Variants in ITGA9 observed in about 807,000 individuals in gnomAD.
ITGA9 encodes integrin subunit alpha 9.
A neutral mutation model predicts 127.8 loss-of-function variants in ITGA9; 56 were observed. That is an observed-to-expected ratio of 0.44 (90% CI 0.35 to 0.55). ITGA9 has a LOEUF of 0.55. ITGA9 is among the 20% of genes least tolerant of loss of function. ITGA9 has a pLI of 0.00. For missense variants in ITGA9, 1,196 were observed against 1,347.1 expected (o/e 0.89, Z 1.76); for synonymous variants, 508 against 514.5 (o/e 0.99, Z 0.17).
At position 37,454,077 on chromosome 3, in the gene ITGA9, G is replaced by A. The variant is rs528170171; in HGVS notation, c.185+1518G>A. Among the ~76,000 whole-genome samples the A allele has an allele frequency of 6.6e-5, 10 of 152,306 alleles. No individual in the cohort carries two copies. In the South Asian group the frequency reaches 1.0e-3, roughly 16 times the overall value. On this transcript the variant is annotated intron_variant, in intron 1 of 27. Transcript: ENST00000264741. Reference sequence around the variant, plus strand: ...TCCCCACACTAGGCACCAGGCACGCGGGAAGCACTGTCAAAAATGGGAGGG... The same window carrying A: ...TCCCCACACTAGGCACCAGGCACGCAGGAAGCACTGTCAAAAATGGGAGGG...
At chr3:37,714,995 A>G (rs1399305088) in intron 18 of ITGA9, among the ~76,000 whole-genome samples, 1 of 152,232 alleles carries the variant, frequency 6.6e-6, no homozygotes, top group East Asian at 1.9e-4. Context: ...CTCATCTGCA[A>G]AATGGAACAA....
intron 15 of ITGA9, among the ~76,000 whole-genome samples, chr3:37,584,519 G>T (rs183102795): frequency 6.6e-6 from 1 of 152,254 alleles, no homozygotes; most frequent in Non-Finnish European, 1.5e-5. Context: ...CACTTTGGGA[G>T]GCCAAGGCAG....
At chr3:37,540,139 C>G (rs753332081) in intron 14 of ITGA9, among the ~76,000 whole-genome samples, 1 of 152,186 alleles carries the variant, frequency 6.6e-6, no homozygotes, top group African/African-American at 2.4e-5. Flanking sequence ...CTGAGCTCAG[C>G]TAGTTCATCT....
chr3:37,595,512 C>T (rs1699860872), intron 15 of ITGA9, among the ~76,000 whole-genome samples: 1 of 152,212 alleles, frequency 6.6e-6, no homozygotes, highest in Non-Finnish European at 1.5e-5. Context: ...GCCGGAACAG[C>T]ATAAACACTG....
chr3:37,637,175 C>A (rs1221396033), intron 16 of ITGA9, among the ~76,000 whole-genome samples: 1 of 151,830 alleles, frequency 6.6e-6, no homozygotes, highest in Non-Finnish European at 1.5e-5. Context: ...TGAAGAAAGT[C>A]ATTGGTAGCT....
intron 19 of ITGA9, among the ~76,000 whole-genome samples, chr3:37,733,228 A>G (rs918571228): frequency 5.9e-5 from 9 of 152,200 alleles, no homozygotes; most frequent in African/African-American, 2.2e-4. Context: ...GAACTCTCAA[A>G]ATTCTCAAAA....
At position 37,714,862 on chromosome 3, in the gene ITGA9, T is replaced by C. The variant is rs572792236; in HGVS notation, c.2068-17850T>C. On this transcript the variant is annotated intron_variant, in intron 18 of 27. Coordinates refer to ENST00000264741, the MANE Select transcript of ITGA9 (RefSeq NM_002207.3). Reference sequence around the variant, plus strand: ...AGGAAGGAAAACCTCCTCTGCACAATGCACTCTGAAGGCCCCACTGAATAC... The same window carrying C: ...AGGAAGGAAAACCTCCTCTGCACAACGCACTCTGAAGGCCCCACTGAATAC... Among the ~76,000 whole-genome samples the C allele has an allele frequency of 1.4e-4, 21 of 152,172 alleles. 1 individual carries two copies. The highest frequency in any genetic ancestry group is 2.5e-4 in the Non-Finnish European group (17 of 68,024).
chr3:37,511,610 G>T (rs1384119105), intron 8 of ITGA9, among the ~76,000 whole-genome samples: 1 of 152,188 alleles, frequency 6.6e-6, no homozygotes, highest in Non-Finnish European at 1.5e-5. Context: ...AGCTCAGATG[G>T]GGAGATTGGC....
chr3:37,613,469 G>A (rs181130074), intron 15 of ITGA9, among the ~76,000 whole-genome samples: 15 of 152,230 alleles, frequency 9.9e-5, no homozygotes, highest in Admixed American at 7.2e-4. Context: ...AATCCTTTGG[G>A]TATATACCCA....
At chr3:37,743,393 C>G (rs188883513) in intron 21 of ITGA9, among the ~76,000 whole-genome samples, 6 of 152,316 alleles carry the variant, frequency 3.9e-5, no homozygotes, top group Admixed American at 3.9e-4. Flanking sequence ...TTCTTCTCAC[C>G]TCTTATGTAG....
intron 26 of ITGA9, among the ~76,000 whole-genome samples, chr3:37,787,142 A>G (rs1487941605): frequency 6.6e-6 from 1 of 152,222 alleles, no homozygotes; most frequent in African/African-American, 2.4e-5. Context: ...GCTCATTGTC[A>G]TAGTTCTGGT....
chr3:37,462,349 T>C (rs1408890222), intron 1 of ITGA9, among the ~76,000 whole-genome samples: 1 of 152,220 alleles, frequency 6.6e-6, no homozygotes, highest in Non-Finnish European at 1.5e-5. Context: ...CGTTATGTGG[T>C]GTGGATTGTA....
chr3:37,594,598 T>C (rs2125616979), intron 15 of ITGA9, among the ~76,000 whole-genome samples: 1 of 152,264 alleles, frequency 6.6e-6, no homozygotes, highest in African/African-American at 2.4e-5. Flanking sequence ...GGCCAGGATT[T>C]GAATCTGAAC....
intron 1 of ITGA9, among the ~76,000 whole-genome samples, chr3:37,469,359 C>A (rs1187457408): frequency 6.6e-6 from 1 of 152,022 alleles, no homozygotes; most frequent in Non-Finnish European, 1.5e-5. Flanking sequence ...ATTTTTTTTC[C>A]TATTTGCCCC....
chr3:37,533,425 C>A lies in ITGA9; in HGVS notation c.1485C>A (p.Thr495=). ...AGCCTGTGAACTGCCTGAACGTCAC[C>A]ACCTGCTTCAGCTTCCATGGCAAAC... ...GQQPVNCLNV[T]TCFSFHGKHV... is the part of the protein sequence containing the mutation. The change falls in exon 14 of 28, where the codon ACC becomes ACA. Residue 495 remains threonine, a synonymous_variant. Transcript: ENST00000264741. 1 of 1,614,170 alleles carries A rather than the reference C, an allele frequency of 6.2e-7. No homozygotes were observed.
intron 4 of ITGA9, among the ~76,000 whole-genome samples, chr3:37,490,976 T>C (rs116328498): frequency 0.095 from 3,691 of 38,750 alleles, 201 homozygotes; most frequent in African/African-American, 0.24. Context: ...TCCCCCCCGC[T>C]TTTTTTTTTT....
At chr3:37,721,409 A>G (rs2125683847) in intron 18 of ITGA9, among the ~76,000 whole-genome samples, 1 of 152,192 alleles carries the variant, frequency 6.6e-6, no homozygotes, top group Admixed American at 6.5e-5. Flanking sequence ...AGCCATCCAT[A>G]CCTGGCCTCC....
intron 15 of ITGA9, among the ~76,000 whole-genome samples, chr3:37,612,726 T>A (rs926758965): frequency 2.0e-5 from 3 of 152,252 alleles, no homozygotes; most frequent in Non-Finnish European, 2.9e-5. Flanking sequence ...ATTTATGTGA[T>A]GTGCAGTAAT....
rs531148167 is a variant in ITGA9, at chr3:37,554,477, T to C, written c.1689+11892T>C. On this transcript the variant is annotated intron_variant, in intron 15 of 27. Coordinates refer to ENST00000264741, the MANE Select transcript of ITGA9 (RefSeq NM_002207.3). Reference sequence around the variant, plus strand: ...GCCTTTACTCAGAGGGGGATGGGAGTGTGTGAGGGATCTGGGCAGGGTGGT... The same window carrying C: ...GCCTTTACTCAGAGGGGGATGGGAGCGTGTGAGGGATCTGGGCAGGGTGGT... Among the ~76,000 whole-genome samples the C allele has an allele frequency of 1.1e-4, 16 of 150,708 alleles. No individual in the cohort carries two copies. The East Asian group carries it at 2.9e-3, about 28-fold the overall frequency.
Sources: allele counts gnomAD v4.1 joint callset (sites outside exome capture counted in the v4.1 genomes callset), GRCh38; gene constraint gnomAD v4.1.1; transcripts MANE v1.5; gene names NCBI Gene and HGNC (gene_info 2026-07-23, HGNC 2026-07-21).